The following KLHL29 variants were observed in gnomAD, a reference collection of about 807,000 sequenced individuals.
The protein encoded by KLHL29 is kelch like family member 29, also known as kelch-like protein 29.
KLHL29 carries 21 observed loss-of-function variants against 80.4 expected under a neutral mutation model. That is an observed-to-expected ratio of 0.26 (90% CI 0.19 to 0.38). The LOEUF (loss-of-function observed/expected upper bound fraction) is 0.38, where lower values mean the gene tolerates loss of function less well. Among genes scored for constraint, KLHL29 ranks in the 10% least tolerant of loss-of-function variants. The pLI, the probability that KLHL29 is intolerant of heterozygous loss-of-function variation, is 1.00. For synonymous variants in KLHL29, 511 were observed against 526.8 expected (o/e 0.97, Z 0.41); for missense variants, 867 against 1,223.9 (o/e 0.71, Z 4.35).
chr2:23,560,295 G>C (rs1268828657), intron 2 of KLHL29, among the ~76,000 whole-genome samples: 2 of 116,556 alleles, frequency 1.7e-5, no homozygotes, highest in Non-Finnish European at 3.3e-5. Context: ...TTTTTGAGAC[G>C]GAGTCTTGCT....
intron 3 of KLHL29, among the ~76,000 whole-genome samples, chr2:23,593,192 C>T (rs138478755): frequency 1.9e-4 from 29 of 152,320 alleles, no homozygotes; most frequent in African/African-American, 6.7e-4. Flanking sequence ...CACCAGCGTG[C>T]CTCCTCTGGT....
intron 2 of KLHL29, among the ~76,000 whole-genome samples, chr2:23,553,981 C>T (rs920881716): frequency 1.3e-5 from 2 of 152,182 alleles, no homozygotes; most frequent in African/African-American, 4.8e-5. Flanking sequence ...TCAAAGAAGG[C>T]ATCCAGCAGA....
At chr2:23,486,468 C>G (rs1017074673) in intron 2 of KLHL29, among the ~76,000 whole-genome samples, 3 of 151,988 alleles carry the variant, frequency 2.0e-5, no homozygotes, top group Admixed American at 1.3e-4. Flanking sequence ...GATTTATGAT[C>G]GATCCCCAAG....
chr2:23,404,919 C>G (rs1054135060), intron 1 of KLHL29, among the ~76,000 whole-genome samples: 2 of 152,162 alleles, frequency 1.3e-5, no homozygotes, highest in African/African-American at 4.8e-5. Flanking sequence ...TTTAAGACAC[C>G]TTCTCTAGGT....
At chr2:23,687,299 C>T (rs373802968) in intron 6 of KLHL29, among the ~76,000 whole-genome samples, 1 of 152,202 alleles carries the variant, frequency 6.6e-6, no homozygotes. Flanking sequence ...TCCCCGCATC[C>T]CCAGGTCTGG....
intron 1 of KLHL29, among the ~76,000 whole-genome samples, chr2:23,452,979 G>T (rs570677195): frequency 3.3e-5 from 5 of 152,042 alleles, no homozygotes; most frequent in African/African-American, 1.2e-4. Flanking sequence ...TTTATGCTGG[G>T]ACTGTGGTTT....
intron 3 of KLHL29, among the ~76,000 whole-genome samples, chr2:23,585,842 G>C (rs1356774547): frequency 6.6e-6 from 1 of 152,236 alleles, no homozygotes; most frequent in East Asian, 1.9e-4. Flanking sequence ...AGCAGACTCT[G>C]CTCCAGAGAA....
At position 23,706,953 on chromosome 2, in the gene KLHL29, T is replaced by A; in HGVS notation, c.*289T>A. On this transcript the variant is annotated 3_prime_UTR_variant, in exon 14 of 14. Transcript: ENST00000486442. ...CCAGGTGCAATAGAGTTTCACGTATTTTTCAACTGGGAGAGAGAAGCTGTT... is the reference window on the plus strand; with the variant it reads ...CCAGGTGCAATAGAGTTTCACGTATATTTCAACTGGGAGAGAGAAGCTGTT... 3.5e-6 allele frequency: 1 copy of A among 289,196 alleles called. No homozygotes were observed. The highest frequency in any genetic ancestry group is 6.4e-6 in the Non-Finnish European group (1 of 157,224). 17.9% of individuals were successfully genotyped at this position (289,196 alleles called of 1,614,324 possible).
chr2:23,459,280 A>G (rs1346756165), intron 1 of KLHL29, among the ~76,000 whole-genome samples: 2 of 152,322 alleles, frequency 1.3e-5, no homozygotes, highest in East Asian at 3.9e-4. Context: ...CCTTTGAAAC[A>G]TCACATTAAA....
At chr2:23,474,549 A>G (rs1245197687) in intron 1 of KLHL29, among the ~76,000 whole-genome samples, 1 of 152,174 alleles carries the variant, frequency 6.6e-6, no homozygotes, top group South Asian at 2.1e-4. Flanking sequence ...AGAACATTCT[A>G]TCCTTGAGAA....
At position 23,696,287 on chromosome 2, in the gene KLHL29, C is replaced by T; in HGVS notation, c.1925-46C>T. 1 of 1,536,818 alleles carries T rather than the reference C, an allele frequency of 6.5e-7. No homozygotes were observed. The highest frequency in any genetic ancestry group is 8.8e-7 in the Non-Finnish European group (1 of 1,135,194). On this transcript the variant is annotated intron_variant, in intron 10 of 13. Transcript: ENST00000486442. The surrounding 1 kb of genome is among the most constrained non-coding windows in gnomAD (Gnocchi z 5.5). The stretch of plus-strand genomic sequence containing the variant: ...GGGGCTGGGCCTGCTGACCCCAGGC[C>T]CCTCCTCACCCCGCCCGCTCTCTCT...
intron 3 of KLHL29, among the ~76,000 whole-genome samples, chr2:23,638,635 C>T (rs1217817547): frequency 6.6e-6 from 1 of 152,186 alleles, no homozygotes; most frequent in Non-Finnish European, 1.5e-5. Flanking sequence ...TGTATAAAGT[C>T]CCTCACCTGC....
At chr2:23,521,694 C>T (rs1666108789) in intron 2 of KLHL29, among the ~76,000 whole-genome samples, 1 of 152,198 alleles carries the variant, frequency 6.6e-6, no homozygotes, top group Admixed American at 6.5e-5. Flanking sequence ...TACCCCATTT[C>T]TTGGGAGGAA....
At chr2:23,422,780 CTG>C (rs748071406) in intron 1 of KLHL29, among the ~76,000 whole-genome samples, 1 of 151,760 alleles carries the variant, frequency 6.6e-6, no homozygotes, top group Admixed American at 6.6e-5. Context: ...GTGTGTGTGC[CTG>C]TGTGTGTGTT....
intron 1 of KLHL29, among the ~76,000 whole-genome samples, chr2:23,400,004 T>C (rs1368093315): frequency 1.3e-5 from 2 of 152,256 alleles, no homozygotes; most frequent in East Asian, 3.9e-4. Context: ...CCGCTGACAG[T>C]GAGTGAAGAT....
At chr2:23,550,657 C>G (rs1350473824) in intron 2 of KLHL29, among the ~76,000 whole-genome samples, 1 of 152,184 alleles carries the variant, frequency 6.6e-6, no homozygotes, top group Admixed American at 6.5e-5. Context: ...CTAATGTTTC[C>G]AAATAGACTT....
At chr2:23,704,543 G>C (rs1242320460) in intron 13 of KLHL29, among the ~76,000 whole-genome samples, 2 of 152,218 alleles carry the variant, frequency 1.3e-5, no homozygotes, top group Admixed American at 1.3e-4. Context: ...GAGGCGGATG[G>C]ATCAGTTGAG....
At chr2:23,523,094 A>T (rs1321701960) in intron 2 of KLHL29, among the ~76,000 whole-genome samples, 1 of 152,220 alleles carries the variant, frequency 6.6e-6, no homozygotes, top group Non-Finnish European at 1.5e-5. Flanking sequence ...AGAGGCATTC[A>T]GAACTGCCTG....
At chr2:23,704,344 C>T (rs966806908) in intron 13 of KLHL29, among the ~76,000 whole-genome samples, 4 of 152,232 alleles carry the variant, frequency 2.6e-5, no homozygotes, top group Admixed American at 6.5e-5. Flanking sequence ...AAACCCACCC[C>T]TGCAGGCAGA....
Sources: allele counts gnomAD v4.1 joint callset (sites outside exome capture counted in the v4.1 genomes callset), GRCh38; gene constraint gnomAD v4.1.1; non-coding constraint Gnocchi (gnomAD v3.1); transcripts MANE v1.5; gene names NCBI Gene and HGNC (gene_info 2026-07-23, HGNC 2026-07-21).